TRIM63: variants seen among roughly 807,000 people sequenced by gnomAD.
TRIM63 encodes E3 ubiquitin-protein ligase TRIM63.
Under a neutral mutation model 46.0 loss-of-function variants are expected in TRIM63, and 48 were observed. The ratio of observed to expected loss-of-function variants is 1.04; its 90% CI spans 0.83 to 1.33. The LOEUF (loss-of-function observed/expected upper bound fraction) is 1.33, where lower values mean the gene tolerates loss of function less well. Ranked by LOEUF, TRIM63 falls within the 40% of genes most tolerant of loss-of-function variation. The pLI, the probability that TRIM63 is intolerant of heterozygous loss-of-function variation, is 0.00. For missense variants in TRIM63, 455 were observed against 441.2 expected, an observed-to-expected ratio of 1.03 and a Z score of -0.28; for synonymous variants, 175 against 162.8, an observed-to-expected ratio of 1.08 and a Z score of -0.57.
At chr1:26,061,682 G>T (rs2050627333) in intron 2 of TRIM63, among the ~76,000 whole-genome samples, 1 of 152,188 alleles carries the variant, frequency 6.6e-6, no homozygotes, top group South Asian at 2.1e-4. Flanking sequence ...TTTTAGAGAA[G>T]AGGAAACTGG....
chr1:26,067,491 C>T lies in TRIM63; in HGVS notation c.4G>A (p.Asp2Asn). The T allele has an allele frequency of 9.9e-6, 16 of 1,613,956 alleles. No homozygotes were observed. The highest frequency in any genetic ancestry group is 1.4e-5 in the Non-Finnish European group (16 of 1,179,996). The change falls in exon 1 of 9, where the codon GAT becomes AAT. Residue 2 changes from aspartate to asparagine, a missense_variant. By Grantham distance (23) the Asp-to-Asn change is conservative. Transcript: ENST00000374272. ...TCCTGGATCAGGCTCGACTTATAAT[C>T]CATTCTGTGGGAAGGAATGAGAGCC... M[D>N]YKSSLIQDGN...
rs879166572 is a variant in TRIM63, at chr1:26,067,571, C to T, written c.-77G>A. ...CTCTAAGTAGACCTGGGGGTCTTGC[C>T]TTTGTCACAAAACACCGGGTCGGAT... On this transcript the variant is annotated 5_prime_UTR_variant, in exon 1 of 9. Transcript: ENST00000374272. 6.6e-7 allele frequency: 1 copy of T among 1,523,500 alleles called. No homozygotes were observed. 94.4% of individuals were successfully genotyped at this position (1,523,500 alleles called of 1,614,324 possible).
At chr1:26,052,719 G>A (rs1184002363) in intron 8 of TRIM63, among the ~76,000 whole-genome samples, 6 of 151,892 alleles carry the variant, frequency 4.0e-5, no homozygotes, top group Admixed American at 1.3e-4. Context: ...CGCCTGCCTC[G>A]GCCTCCCAAA....
chr1:26,056,071 C>G (rs1183247461), intron 7 of TRIM63, among the ~76,000 whole-genome samples: 1 of 152,162 alleles, frequency 6.6e-6, no homozygotes, highest in East Asian at 1.9e-4. Flanking sequence ...TTCATCATCC[C>G]CTTGTCCCCC....
intron 7 of TRIM63, 79 bp from the exon 8 acceptor site, chr1:26,054,043 G>C: frequency 9.3e-7 from 1 of 1,069,846 alleles, no homozygotes; most frequent in African/African-American, 1.6e-5. Flanking sequence ...GCAAGAGAGA[G>C]CACGGTCTAA....
At chr1:26,052,920 C>A (rs939361043) in intron 8 of TRIM63, among the ~76,000 whole-genome samples, 13 of 152,098 alleles carry the variant, frequency 8.5e-5, no homozygotes, top group Non-Finnish European at 1.2e-4. Context: ...TTAAAAAAAA[C>A]CTAATTTTAA....
intron 7 of TRIM63, among the ~76,000 whole-genome samples, 198 bp downstream of exon 7, chr1:26,057,005 C>A (rs1304396833): frequency 6.6e-6 from 1 of 152,096 alleles, no homozygotes; most frequent in African/African-American, 2.4e-5. Context: ...TCAAGTGATC[C>A]GCCCACCTTG....
chr1:26,058,301 C>T (rs2124438498), intron 5 of TRIM63, 89 bp downstream of exon 5: 3 of 1,177,782 alleles, frequency 2.5e-6, no homozygotes, highest in South Asian at 2.7e-5. Context: ...TTTCCAAGGG[C>T]CCATGGGTGG....
intron 4 of TRIM63, among the ~76,000 whole-genome samples, chr1:26,059,759 A>G (rs1022381000): frequency 2.0e-5 from 3 of 152,118 alleles, no homozygotes; most frequent in Non-Finnish European, 4.4e-5. Context: ...TCTGCCCTCA[A>G]CAGTCTCACT....
intron 8 of TRIM63, among the ~76,000 whole-genome samples, chr1:26,053,321 C>T (rs143627743): frequency 0.012 from 1,812 of 151,274 alleles, 41 homozygotes; most frequent in African/African-American, 0.042. Context: ...GGCACGATCT[C>T]GGCTCACTGC....
intron 4 of TRIM63, among the ~76,000 whole-genome samples, chr1:26,059,656 G>C (rs930301188): frequency 6.6e-6 from 1 of 152,090 alleles, no homozygotes; most frequent in Non-Finnish European, 1.5e-5. Flanking sequence ...TAGCAATTAT[G>C]ATGACCCCTT....
intron 7 of TRIM63, among the ~76,000 whole-genome samples, chr1:26,056,757 ATTTTTTT>A (rs539855797): frequency 7.2e-6 from 1 of 139,024 alleles, no homozygotes; most frequent in Admixed American, 7.2e-5. Context: ...GACTATATGA[ATTTTTTT>A]TTTTTTTTTT....
In TRIM63 at chr1:26,051,798, T is replaced by TG; in HGVS notation, c.*74_*75insC. 1 of 507,886 alleles carries TG rather than the reference T, an allele frequency of 2.0e-6. No homozygotes were observed. The highest frequency in any genetic ancestry group is 2.9e-6 in the Non-Finnish European group (1 of 345,732). The allele number at this position is 507,886 out of a possible 1,614,324, so 31.5% of individuals were successfully genotyped here. ...CCCGACCCCTCCCACCCTGGGCCTG[T>TG]CACCAAGGCCGCTGGGCCCCTCCCC... On this transcript the variant is annotated 3_prime_UTR_variant, in exon 9 of 9. Transcript: ENST00000374272.
At chr1:26,056,296 T>G (rs528033147) in intron 7 of TRIM63, among the ~76,000 whole-genome samples, 21 of 152,244 alleles carry the variant, frequency 1.4e-4, no homozygotes, top group African/African-American at 4.6e-4. Flanking sequence ...ACAATTATTA[T>G]AGGCACTCTA....
intron 5 of TRIM63, 45 bp from the exon 6 acceptor site, chr1:26,057,695 A>G: frequency 6.3e-7 from 1 of 1,575,728 alleles, no homozygotes; most frequent in Non-Finnish European, 8.6e-7. Flanking sequence ...CAGAAGAGGT[A>G]ACCGCAGGAA....
rs1211479104 is a variant in TRIM63, at chr1:26,067,520, C to A, written c.-26G>T. 21 of 1,611,656 alleles carry A rather than the reference C, an allele frequency of 1.3e-5. No homozygotes were observed. Among genetic ancestry groups the A allele is most frequent in the Non-Finnish European group, 1.8e-5 (21 of 1,179,370 alleles). ...TCTGTGGGAAGGAATGAGAGCCACG[C>A]CTAGCTGCCTCCTCTACTAACTTTG... On this transcript the variant is annotated 5_prime_UTR_variant, in exon 1 of 9. Coordinates refer to ENST00000374272, the MANE Select transcript of TRIM63 (RefSeq NM_032588.4).
At chr1:26,059,136 T>C (rs764914663) in intron 4 of TRIM63, among the ~76,000 whole-genome samples, 1 of 149,990 alleles carries the variant, frequency 6.7e-6, no homozygotes, top group Non-Finnish European at 1.5e-5. Flanking sequence ...GCGATTCTCC[T>C]GCCTCAGCCT....
chr1:26,064,430 CA>C (rs372217612), intron 2 of TRIM63, among the ~76,000 whole-genome samples: 4,810 of 146,236 alleles, frequency 0.033, 261 homozygotes, highest in African/African-American at 0.11. Flanking sequence ...GACTCTGCCT[CA>C]AAAAAAAAAA....
In TRIM63 at chr1:26,061,155, G is replaced by A. The variant is rs762290939; in HGVS notation, c.501+11C>T. 84 of 1,611,870 alleles carry A rather than the reference G, an allele frequency of 5.2e-5. No homozygotes were observed. In the African/African-American group the frequency reaches 6.1e-4, roughly 12 times the overall value. ...GCCCAGGCTGGGGGTAAAAGTGGCT[G>A]GAGACAGTACCTTTTGTCCCTGGAA... On this transcript the variant is annotated intron_variant, in intron 3 of 8. Coordinates refer to ENST00000374272, the MANE Select transcript of TRIM63 (RefSeq NM_032588.4).
Sources: gnomAD v4.1 joint callset for allele counts (sites outside exome capture counted in the v4.1 genomes callset) on GRCh38, gnomAD v4.1.1 for gene constraint, MANE v1.5 for transcripts, NCBI Gene and HGNC (gene_info 2026-07-23, HGNC 2026-07-21) for gene names.